PPP3CB: variants seen among roughly 807,000 people sequenced by gnomAD.
PPP3CB encodes serine/threonine-protein phosphatase 2B catalytic subunit beta isoform.
PPP3CB carries 8 observed loss-of-function variants against 66.4 expected under a neutral mutation model. The ratio of observed to expected loss-of-function variants is 0.12; its 90% CI spans 0.07 to 0.22. The LOEUF is 0.22. Among genes scored for constraint, PPP3CB ranks in the 10% least tolerant of loss-of-function variants. PPP3CB has a pLI of 1.00. For synonymous variants in PPP3CB, 208 were observed against 221.2 expected (o/e 0.94, Z 0.53); for missense variants, 319 against 642.5 (o/e 0.50, Z 5.44).
chr10:73,476,024 G>GT (rs903948557), intron 3 of PPP3CB, among the ~76,000 whole-genome samples: 821 of 137,486 alleles, frequency 6.0e-3, no homozygotes, highest in Middle Eastern at 0.034. Context: ...GCCCAGCTAA[G>GT]TTTTTTTTTT....
At chr10:73,482,240 CA>C (rs1225426890) in intron 1 of PPP3CB, among the ~76,000 whole-genome samples, 1 of 149,966 alleles carries the variant, frequency 6.7e-6, no homozygotes, top group African/African-American at 2.5e-5. Flanking sequence ...GGAAAAGAAA[CA>C]CTATTTAAAA....
intron 12 of PPP3CB, 45 bp from the exon 13 acceptor site, chr10:73,439,946 GA>G: frequency 4.5e-6 from 7 of 1,571,670 alleles, no homozygotes; most frequent in Non-Finnish European, 5.3e-6. Flanking sequence ...TGAGAGAGAT[GA>G]GAAGGGTCAT....
chr10:73,464,790 G>C (rs1163077554), intron 9 of PPP3CB, among the ~76,000 whole-genome samples: 1 of 151,976 alleles, frequency 6.6e-6, no homozygotes, highest in Admixed American at 6.6e-5. Flanking sequence ...AAATTAGCCA[G>C]GTGTGGTACA....
chr10:73,445,446 T>G (rs557372516), intron 11 of PPP3CB, among the ~76,000 whole-genome samples: 5 of 152,324 alleles, frequency 3.3e-5, no homozygotes, highest in African/African-American at 1.2e-4. Flanking sequence ...TACAAATATA[T>G]AAACTTCTTT....
chr10:73,438,570 A>C (rs2056100572), intron 13 of PPP3CB, 150 bp from the exon 14 acceptor site: 1 of 681,112 alleles, frequency 1.5e-6, no homozygotes, highest in African/African-American at 1.8e-5. Flanking sequence ...TCCTCATTTC[A>C]GTCTTTCCTT....
intron 10 of PPP3CB, among the ~76,000 whole-genome samples, chr10:73,446,855 G>GA (rs984943510): frequency 3.1e-4 from 46 of 149,984 alleles, no homozygotes; most frequent in Admixed American, 1.4e-3. Context: ...CAGCAATGGG[G>GA]AAAAAAAAAC....
At chr10:73,454,722 C>G in intron 9 of PPP3CB, among the ~76,000 whole-genome samples, 1 of 91,498 alleles carries the variant, frequency 1.1e-5, no homozygotes, top group South Asian at 3.4e-4. Flanking sequence ...TCAGGCCTCT[C>G]AAAAAAAAAA....
chr10:73,476,969 A>G (rs1311581186), intron 3 of PPP3CB, among the ~76,000 whole-genome samples: 1 of 152,218 alleles, frequency 6.6e-6, no homozygotes, highest in Non-Finnish European at 1.5e-5. Flanking sequence ...AAGGAGATAT[A>G]AACAACAGTA....
rs1454178590 is a variant in PPP3CB at position 73,436,908 on chromosome 10, T to C, written c.*1334A>G. 1.3e-5 allele frequency: 2 copies of C among 152,524 alleles called. No individual in the cohort carries two copies. The highest frequency in any genetic ancestry group is 2.4e-5 in the African/African-American group (1 of 41,448). 9.4% of individuals were successfully genotyped at this position (152,524 alleles called of 1,614,324 possible). A position where few individuals can be genotyped will look rare whatever the true frequency, so the allele number is the denominator to read the frequency against. On this transcript the variant is annotated 3_prime_UTR_variant, in exon 14 of 14. Coordinates refer to ENST00000360663, the MANE Select transcript of PPP3CB (RefSeq NM_021132.4). ...TATTTCCAACTTAGACAGGAGACCA[T>C]ACAGGGTGCACTTTCTGGCAAACAA...
chr10:73,438,960 A>G (rs1012690016), intron 13 of PPP3CB, among the ~76,000 whole-genome samples: 3 of 149,456 alleles, frequency 2.0e-5, no homozygotes, highest in Non-Finnish European at 2.9e-5. Context: ...CGCCACCAAT[A>G]TAACATTAAA....
intron 1 of PPP3CB, among the ~76,000 whole-genome samples, chr10:73,481,851 AT>A (rs1443388601): frequency 6.6e-6 from 1 of 151,272 alleles, no homozygotes; most frequent in Non-Finnish European, 1.5e-5. Flanking sequence ...GACCTTGTTT[AT>A]TTTCCCTTCA....
At chr10:73,477,413 GGTTT>G (rs1471815603) in intron 3 of PPP3CB, among the ~76,000 whole-genome samples, 7 of 152,036 alleles carry the variant, frequency 4.6e-5, no homozygotes, top group African/African-American at 1.4e-4. Flanking sequence ...AATTAATTAT[GGTTT>G]GTTTATTAGA....
rs2056082310 is a variant in PPP3CB at position 73,437,081 on chromosome 10, G to A, written c.*1161C>T. ...AAAAATTAGCACATGGTTCCATTTA[G>A]TTTAACCAAGCAGTTCAGTAACTAT... On this transcript the variant is annotated 3_prime_UTR_variant, in exon 14 of 14. Coordinates refer to ENST00000360663, the MANE Select transcript of PPP3CB (RefSeq NM_021132.4). The A allele has an allele frequency of 1.3e-5, 2 of 152,630 alleles. No homozygotes were observed. Among genetic ancestry groups the A allele is most frequent in the Non-Finnish European group, 2.9e-5 (2 of 68,042 alleles). 9.5% of individuals were successfully genotyped at this position (152,630 alleles called of 1,614,324 possible).
chr10:73,466,678 T>G (rs1347727084), intron 9 of PPP3CB, among the ~76,000 whole-genome samples: 1 of 152,220 alleles, frequency 6.6e-6, no homozygotes, highest in Non-Finnish European at 1.5e-5. Context: ...ATACACAGTT[T>G]AAGTATTAAT....
chr10:73,486,236 G>A (rs1008518444), intron 1 of PPP3CB, among the ~76,000 whole-genome samples: 1 of 150,284 alleles, frequency 6.7e-6, no homozygotes, highest in Non-Finnish European at 1.5e-5. Flanking sequence ...GAGCCACCAC[G>A]CCCAGCCAAT....
intron 10 of PPP3CB, among the ~76,000 whole-genome samples, chr10:73,449,989 G>C (rs1008720278): frequency 1.3e-5 from 2 of 152,042 alleles, no homozygotes; most frequent in African/African-American, 4.8e-5. Flanking sequence ...GTAAAGAGGG[G>C]GTTTTGCCAT....
At chr10:73,465,691 G>A (rs897191160) in intron 9 of PPP3CB, among the ~76,000 whole-genome samples, 1 of 152,218 alleles carries the variant, frequency 6.6e-6, no homozygotes, top group South Asian at 2.1e-4. Flanking sequence ...TCAGGAACTA[G>A]ACCCAGAGTC....
chr10:73,477,198 G>A, intron 3 of PPP3CB: 1 of 518,900 alleles, frequency 1.9e-6, no homozygotes, highest in South Asian at 1.4e-5. Context: ...TATGTCTTCA[G>A]TGCCTAGAAC....
At chr10:73,481,624 CT>C (rs1358359994) in intron 1 of PPP3CB, among the ~76,000 whole-genome samples, 62 of 135,662 alleles carry the variant, frequency 4.6e-4, no homozygotes, top group African/African-American at 2.0e-3. Flanking sequence ...CTTAAAGTAA[CT>C]AAAAAAAAAC....
Sources: allele counts gnomAD v4.1 joint callset (sites outside exome capture counted in the v4.1 genomes callset), GRCh38; gene constraint gnomAD v4.1.1; transcripts MANE v1.5; gene names NCBI Gene and HGNC (gene_info 2026-07-23, HGNC 2026-07-21).